Variants in CSMD1 observed in about 807,000 individuals in gnomAD.
CSMD1 encodes the protein CUB and sushi domain-containing protein 1.
CSMD1 carries 213 observed loss-of-function variants against 417.5 expected under a neutral mutation model. That is an observed-to-expected ratio of 0.51 (90% CI 0.46 to 0.57). CSMD1 has a LOEUF of 0.57. Among genes scored for constraint, CSMD1 ranks in the 20% least tolerant of loss-of-function variants. The pLI is 0.00. For synonymous variants in CSMD1, 2,862 were observed against 1,736.8 expected (o/e 1.65, Z -16.11); for missense variants, 6,923 against 4,529.7 (o/e 1.53, Z -15.17).
At chr8:3,483,019 T>G (rs1365622850) in intron 11 of CSMD1, among the ~76,000 whole-genome samples, 2 of 152,076 alleles carry the variant, frequency 1.3e-5, no homozygotes, top group South Asian at 4.2e-4. Context: ...ATGACTACAT[T>G]AGATAGAAAA....
chr8:4,762,286 G>C (rs980535500), intron 1 of CSMD1, among the ~76,000 whole-genome samples: 1 of 151,984 alleles, frequency 6.6e-6, no homozygotes, highest in Non-Finnish European at 1.5e-5. Flanking sequence ...ACGGGTAATT[G>C]GGGAGAGAGA....
At chr8:3,569,073 A>C (rs765639471) in intron 10 of CSMD1, among the ~76,000 whole-genome samples, 1 of 152,300 alleles carries the variant, frequency 6.6e-6, no homozygotes, top group Non-Finnish European at 1.5e-5. Flanking sequence ...ATCATATAAT[A>C]TTACTTTGCA....
chr8:4,323,879 A>G (rs938476782), intron 3 of CSMD1, among the ~76,000 whole-genome samples: 1 of 152,074 alleles, frequency 6.6e-6, no homozygotes, highest in African/African-American at 2.4e-5. Flanking sequence ...TCTATGAAGA[A>G]ACTCCACATT....
At chr8:3,111,375 G>A (rs1585377958) in intron 42 of CSMD1, among the ~76,000 whole-genome samples, 1 of 152,134 alleles carries the variant, frequency 6.6e-6, no homozygotes, top group Non-Finnish European at 1.5e-5. Context: ...TGTATGTAGA[G>A]ACTACTTTAG....
chr8:3,708,112 G>C (rs567248171), intron 7 of CSMD1, among the ~76,000 whole-genome samples: 1 of 152,152 alleles, frequency 6.6e-6, no homozygotes, highest in African/African-American at 2.4e-5. Context: ...GACGGAGAGA[G>C]ACTGGTATGA....
chr8:3,457,144 C>T (rs1051829401), intron 12 of CSMD1, among the ~76,000 whole-genome samples: 1 of 150,218 alleles, frequency 6.7e-6, no homozygotes, highest in Non-Finnish European at 1.5e-5. Context: ...GTACTCGTCA[C>T]TGAACACCTC....
intron 3 of CSMD1, among the ~76,000 whole-genome samples, chr8:4,299,205 G>A (rs1245512440): frequency 6.6e-6 from 1 of 152,112 alleles, no homozygotes; most frequent in African/African-American, 2.4e-5. Context: ...ATATACTTTT[G>A]CCAGGTAATG....
chr8:4,070,624 TG>T (rs1301663461), intron 3 of CSMD1, among the ~76,000 whole-genome samples: 2 of 152,158 alleles, frequency 1.3e-5, no homozygotes, highest in African/African-American at 4.8e-5. Context: ...CCCAAAGTGC[TG>T]GGATTACAGG....
intron 3 of CSMD1, among the ~76,000 whole-genome samples, chr8:4,068,443 A>G (rs555650131): frequency 1.9e-4 from 29 of 152,332 alleles, no homozygotes; most frequent in South Asian, 1.0e-3. Context: ...AATTAAATGT[A>G]TATTTTTAGA....
At chr8:3,314,636 C>T (rs191975088) in intron 23 of CSMD1, among the ~76,000 whole-genome samples, 5 of 152,290 alleles carry the variant, frequency 3.3e-5, no homozygotes, top group South Asian at 2.1e-4. Context: ...CAAAATACTA[C>T]GAACAAAATG....
At chr8:4,258,959 G>C (rs752960011) in intron 3 of CSMD1, among the ~76,000 whole-genome samples, 3 of 152,148 alleles carry the variant, frequency 2.0e-5, no homozygotes, top group Non-Finnish European at 2.9e-5. Context: ...AATACACTAA[G>C]GTGTATAAAT....
At chr8:3,609,952 C>T (rs923643978) in intron 8 of CSMD1, among the ~76,000 whole-genome samples, 2 of 151,216 alleles carry the variant, frequency 1.3e-5, no homozygotes, top group African/African-American at 2.4e-5. Context: ...CGGGCGCACA[C>T]CAACATGCCC....
At chr8:4,083,815 G>C (rs867886584) in intron 3 of CSMD1, among the ~76,000 whole-genome samples, 26 of 152,188 alleles carry the variant, frequency 1.7e-4, no homozygotes, top group African/African-American at 6.3e-4. Flanking sequence ...CAAAAGCAAT[G>C]GCAACAAAAG....
At position 3,788,642 on chromosome 8, in the gene CSMD1, C is replaced by G. The variant is rs137987662; in HGVS notation, c.819-34600G>C. Among the ~76,000 whole-genome samples the G allele has an allele frequency of 9.7e-4, 147 of 152,278 alleles. No individual in the cohort carries two copies. The East Asian group carries it at 0.016, about 17-fold the overall frequency. On this transcript the variant is annotated intron_variant, in intron 5 of 69. Transcript: ENST00000635120. ...TTCATCTACATTTTACTTGAGCCCT[C>G]TGAGGTAGATAAATGTAGACAAAAA...
intron 7 of CSMD1, among the ~76,000 whole-genome samples, chr8:3,661,951 A>C (rs932963148): frequency 1.3e-5 from 2 of 152,208 alleles, no homozygotes; most frequent in African/African-American, 4.8e-5. Context: ...GGAAGAGAGA[A>C]AATGAGAACG....
intron 3 of CSMD1, among the ~76,000 whole-genome samples, chr8:4,126,929 C>G (rs1045950363): frequency 3.9e-5 from 6 of 152,010 alleles, no homozygotes; most frequent in African/African-American, 1.4e-4. Flanking sequence ...CACACAGACT[C>G]TGCTGGAAGA....
chr8:3,847,140 A>G (rs1803562879), intron 5 of CSMD1, among the ~76,000 whole-genome samples: 1 of 152,036 alleles, frequency 6.6e-6, no homozygotes, highest in Non-Finnish European at 1.5e-5. Context: ...AGTGGGCAGG[A>G]CCTGTGACTG....
At chr8:4,973,088 A>C (rs1310783715) in intron 1 of CSMD1, among the ~76,000 whole-genome samples, 1 of 152,214 alleles carries the variant, frequency 6.6e-6, no homozygotes, top group East Asian at 1.9e-4. Context: ...GTGCTTGGGC[A>C]ATCAAAGGAA....
At chr8:4,619,673 A>G (rs950905867) in intron 2 of CSMD1, among the ~76,000 whole-genome samples, 1 of 152,146 alleles carries the variant, frequency 6.6e-6, no homozygotes, top group African/African-American at 2.4e-5. Context: ...AGTGCCAAAG[A>G]TATGTCACTA....
Sources: allele counts gnomAD v4.1 joint callset (sites outside exome capture counted in the v4.1 genomes callset), GRCh38; gene constraint gnomAD v4.1.1; transcripts MANE v1.5; gene names NCBI Gene and HGNC (gene_info 2026-07-23, HGNC 2026-07-21).